DOCK11: variants seen among roughly 807,000 people sequenced by gnomAD.
The protein encoded by DOCK11 is dedicator of cytokinesis 11, also known as dedicator of cytokinesis protein 11.
In DOCK11, 70 loss-of-function variants were observed where a neutral mutation model predicts 169.1. The observed-to-expected ratio is 0.41, with a 90% confidence interval of 0.34 to 0.51. The LOEUF (loss-of-function observed/expected upper bound fraction) is 0.51. Ranked by LOEUF, DOCK11 falls within the 20% of genes least tolerant of loss-of-function variation. The probability of loss-of-function intolerance (pLI) is 0.10; values close to 1 mark genes in which losing one functional copy is unlikely to be tolerated. For missense variants in DOCK11, 1,166 were observed against 1,538.8 expected (o/e 0.76, Z 4.05); for synonymous variants, 529 against 541.3 (o/e 0.98, Z 0.32).
At chrX:118,626,398 C>T (rs773068504) in intron 32 of DOCK11, among the ~76,000 whole-genome samples, 2 of 111,088 alleles carry the variant, frequency 1.8e-5, no homozygotes, top group Non-Finnish European at 3.8e-5. Context: ...TCGTGGTCAC[C>T]CCTTTTCCAA....
At chrX:118,539,787 A>G (rs747731439) in intron 1 of DOCK11, among the ~76,000 whole-genome samples, 2 of 109,883 alleles carry the variant, frequency 1.8e-5, no homozygotes, top group East Asian at 5.7e-4. Flanking sequence ...ATGGTGGCTC[A>G]TGCCTGTAAT....
chrX:118,525,359 T>C (rs1026439424), intron 1 of DOCK11, among the ~76,000 whole-genome samples: 4 of 111,571 alleles, frequency 3.6e-5, no homozygotes, highest in African/African-American at 9.8e-5. Context: ...GGAAGGAAAT[T>C]ATGACACATG....
At chrX:118,604,907 T>A (rs2014455048) in intron 23 of DOCK11, among the ~76,000 whole-genome samples, 1 of 111,619 alleles carries the variant, frequency 9.0e-6, no homozygotes, top group Non-Finnish European at 1.9e-5. Flanking sequence ...TCCAGTATCA[T>A]CTCCAAACAT....
At chrX:118,510,195 A>G (rs2147311146) in intron 1 of DOCK11, among the ~76,000 whole-genome samples, 1 of 112,324 alleles carries the variant, frequency 8.9e-6, no homozygotes, top group Non-Finnish European at 1.9e-5. Context: ...CCCAAGTTTG[A>G]GGACTGATGG....
At chrX:118,579,996 T>G in intron 13 of DOCK11, 101 bp from the exon 14 acceptor site, 1 of 623,327 alleles carries the variant, frequency 1.6e-6, no homozygotes, top group Non-Finnish European at 2.4e-6. Flanking sequence ...TTTTTTGAGA[T>G]TTTTGATGTT....
rs1360784795 is a variant in DOCK11 at position 118,572,367 on chromosome X, A to G, written c.1080A>G (p.Glu360=). The part of the protein sequence containing the change: ...SGIEPDIKPF[E]EKCNKRFLVN... ...TTGAACCTGATATAAAGCCATTTGAAGAAAAATGCAATAAACGTTTCCTGG... is the reference window on the plus strand; with the variant it reads ...TTGAACCTGATATAAAGCCATTTGAGGAAAAATGCAATAAACGTTTCCTGG... Residue 360 remains glutamate (E), a synonymous_variant, in exon 11 of 53, where the codon GAA becomes GAG. Transcript: ENST00000276202. The G allele has an allele frequency of 4.2e-6, 5 of 1,203,928 alleles. No individual in the cohort carries two copies. The highest frequency in any genetic ancestry group is 2.3e-4 in the Middle Eastern group (1 of 4,334).
At chrX:118,648,917 A>G (rs1287751610) in intron 40 of DOCK11, 28 bp from the exon 41 acceptor site, 5 of 1,136,906 alleles carry the variant, frequency 4.4e-6, no homozygotes, top group Non-Finnish European at 4.7e-6. Context: ...GATTTTAAAT[A>G]CTTATTTCTG....
chrX:118,676,198 C>T (rs1205462608), intron 47 of DOCK11, 149 bp downstream of exon 47: 1 of 411,389 alleles, frequency 2.4e-6, no homozygotes, highest in Admixed American at 5.1e-5. Context: ...CACTTTGGTT[C>T]TCATATCTAA....
At chrX:118,658,941 A>G (rs1254243258) in intron 44 of DOCK11, among the ~76,000 whole-genome samples, 1 of 111,662 alleles carries the variant, frequency 9.0e-6, no homozygotes, top group Non-Finnish European at 1.9e-5. Context: ...CCATCAACCC[A>G]GAAAAAGGAA....
chrX:118,675,225 C>A (rs2016581269), intron 46 of DOCK11, among the ~76,000 whole-genome samples: 1 of 111,986 alleles, frequency 8.9e-6, no homozygotes, highest in East Asian at 2.8e-4. Context: ...TGCATAAAAG[C>A]AGTCCTCACT....
At chrX:118,662,450 A>G (rs1340905088) in intron 44 of DOCK11, among the ~76,000 whole-genome samples, 2 of 112,687 alleles carry the variant, frequency 1.8e-5, no homozygotes, top group African/African-American at 3.2e-5. Flanking sequence ...ATACATAGTC[A>G]AAGAATAAAA....
chrX:118,616,147 A>T (rs1364524105), intron 30 of DOCK11: 1 of 781,598 alleles, frequency 1.3e-6, no homozygotes, highest in East Asian at 8.1e-5. Context: ...GTATAGCACT[A>T]TTCTTATGTT....
chrX:118,621,410 G>A (rs1487631311), intron 31 of DOCK11, among the ~76,000 whole-genome samples: 1 of 111,488 alleles, frequency 9.0e-6, no homozygotes, highest in Non-Finnish European at 1.9e-5. Flanking sequence ...GGATTGGAGG[G>A]AGCCTTAAGC....
chrX:118,515,985 AAAAGTAAGGATTTGGGC>A (rs1164432655), intron 1 of DOCK11, among the ~76,000 whole-genome samples: 5 of 88,972 alleles, frequency 5.6e-5, no homozygotes, highest in Admixed American at 4.7e-4. Context: ...CTAAATGTTC[AAAAGTAAGGATTTGGGC>A]AAATATATAT....
Position 118,685,780 on chromosome X carries a change from T to C in DOCK11, c.6195T>C (p.Tyr2065=), listed in dbSNP as rs996502243. ...AISGTSSDRG[Y]GSPRYAEV ...GTGGTACATCAAGTGACCGAGGTTA[T>C]GGTTCCCCAAGATACGCTGAAGTGT... The change falls in exon 53 of 53, where the codon TAT becomes TAC. Residue 2065 remains tyrosine, a synonymous_variant. Coordinates refer to ENST00000276202, the MANE Select transcript of DOCK11 (RefSeq NM_144658.4). 1.7e-6 allele frequency: 2 copies of C among 1,210,195 alleles called. No homozygotes were observed. The highest frequency in any genetic ancestry group is 3.5e-5 in the African/African-American group (2 of 57,358).
At chrX:118,652,883 G>C (rs2015979691) in intron 42 of DOCK11, among the ~76,000 whole-genome samples, 1 of 112,328 alleles carries the variant, frequency 8.9e-6, no homozygotes, top group African/African-American at 3.2e-5. Context: ...CATAGTCACA[G>C]CATATTTGAT....
At chrX:118,520,020 C>T (rs2057713019) in intron 1 of DOCK11, among the ~76,000 whole-genome samples, 1 of 111,624 alleles carries the variant, frequency 9.0e-6, no homozygotes, top group Non-Finnish European at 1.9e-5. Flanking sequence ...ACCCTTGTCA[C>T]TCAAAAAATT....
intron 13 of DOCK11, 125 bp from the exon 14 acceptor site, chrX:118,579,972 C>T (rs1197450998): frequency 2.0e-6 from 1 of 492,974 alleles, no homozygotes; most frequent in African/African-American, 2.4e-5. Context: ...CTGCTTGTGG[C>T]TATTTCTATA....
intron 33 of DOCK11, 96 bp from the exon 34 acceptor site, chrX:118,628,067 C>T (rs1390196889): frequency 4.1e-6 from 2 of 492,448 alleles, no homozygotes; most frequent in East Asian, 3.6e-5. Flanking sequence ...CTATTCCCTA[C>T]ATTAATGTCT....
Sources: allele counts gnomAD v4.1 joint callset (sites outside exome capture counted in the v4.1 genomes callset), GRCh38; gene constraint gnomAD v4.1.1; transcripts MANE v1.5; gene names NCBI Gene and HGNC (gene_info 2026-07-23, HGNC 2026-07-21).